Variants in ZNF407 observed in about 807,000 individuals in gnomAD.
The protein encoded by ZNF407 is zinc finger protein 407.
In ZNF407, 17 loss-of-function variants were observed where a neutral mutation model predicts 131.2. The observed-to-expected ratio is 0.13, with a 90% CI of 0.09 to 0.19. The LOEUF (loss-of-function observed/expected upper bound fraction) is 0.19. Ranked by LOEUF, ZNF407 falls within the 10% of genes least tolerant of loss-of-function variation. The pLI is 1.00. For synonymous variants in ZNF407, 1,156 were observed against 1,062.0 expected (o/e 1.09, Z -1.72); for missense variants, 2,681 against 2,830.6 (o/e 0.95, Z 1.20).
chr18:74,969,663 C>A (rs533756321), intron 8 of ZNF407, among the ~76,000 whole-genome samples: 1 of 152,278 alleles, frequency 6.6e-6, no homozygotes, highest in East Asian at 1.9e-4. Flanking sequence ...CTTCGTGTCA[C>A]CTGCAAGGGG....
intron 1 of ZNF407, among the ~76,000 whole-genome samples, chr18:74,615,358 A>C (rs1183589853): frequency 6.6e-6 from 1 of 152,188 alleles, no homozygotes; most frequent in Non-Finnish European, 1.5e-5. Flanking sequence ...TACAAAAATT[A>C]GCTGCTTGTG....
intron 1 of ZNF407, among the ~76,000 whole-genome samples, chr18:74,619,989 T>TC: frequency 6.6e-6 from 1 of 150,516 alleles, no homozygotes; most frequent in Non-Finnish European, 1.5e-5. Context: ...GAATTGCCAT[T>TC]CCTTTCCTTT....
intron 1 of ZNF407, among the ~76,000 whole-genome samples, chr18:74,606,668 G>A (rs546327702): frequency 2.6e-5 from 4 of 152,124 alleles, no homozygotes; most frequent in African/African-American, 7.2e-5. Context: ...TTATTATGTC[G>A]GCACACCTGA....
At chr18:74,627,880 T>C (rs1599022781) in intron 1 of ZNF407, among the ~76,000 whole-genome samples, 1 of 135,408 alleles carries the variant, frequency 7.4e-6, no homozygotes, top group Non-Finnish European at 1.6e-5. Flanking sequence ...CTCTTCTCTT[T>C]CCTTTCTTTT....
intron 4 of ZNF407, among the ~76,000 whole-genome samples, chr18:74,785,561 G>T (rs574898789): frequency 1.3e-5 from 2 of 152,236 alleles, no homozygotes; most frequent in Non-Finnish European, 2.9e-5. Flanking sequence ...CATTGTATGG[G>T]TCTTTTGGAG....
intron 8 of ZNF407, among the ~76,000 whole-genome samples, chr18:75,055,971 A>T (rs1973557439): frequency 6.6e-6 from 1 of 152,234 alleles, no homozygotes; most frequent in Admixed American, 6.5e-5. Context: ...ACAGAAAAGC[A>T]ATTTCCCCAT....
chr18:74,701,413 T>G (rs1334479592), intron 3 of ZNF407, among the ~76,000 whole-genome samples: 2 of 152,212 alleles, frequency 1.3e-5, no homozygotes, highest in Non-Finnish European at 2.9e-5. Flanking sequence ...TTATTTTCCT[T>G]TATGTAATAT....
At chr18:74,929,103 C>G (rs1971950310) in intron 8 of ZNF407, among the ~76,000 whole-genome samples, 1 of 152,196 alleles carries the variant, frequency 6.6e-6, no homozygotes, top group Admixed American at 6.5e-5. Flanking sequence ...TCCCGGCTCA[C>G]TCATGCTCAT....
intron 1 of ZNF407, among the ~76,000 whole-genome samples, chr18:74,607,573 C>CCATTGACGGGG (rs1389218288): frequency 6.6e-6 from 1 of 152,044 alleles, no homozygotes; most frequent in African/African-American, 2.4e-5. Context: ...CGACCACTGG[C>CCATTGACGGGG]CATTGACGGG....
At position 74,635,308 on chromosome 18, in the gene ZNF407, A is replaced by G. The variant is rs1393354295; in HGVS notation, c.4289A>G (p.Asn1430Ser). The change falls in exon 2 of 9, where the codon AAT becomes AGT. Residue 1430 changes from asparagine to serine, a missense_variant. Physicochemically the swap from Asn to Ser is conservative, Grantham distance 46. This residue lies in a region of ZNF407 where 1,789 missense variants were observed against 1,748.7 expected (regional missense o/e 1.02). Transcript: ENST00000299687. The surrounding 1 kb of genome is among the most constrained non-coding windows in gnomAD (Gnocchi z 4.7). ...TTAGCAGATGGACTGAGTGGACTGA[A>G]TGTTCACATAGCCATGAAGCATCCT... ...GFLADGLSGL[N>S]VHIAMKHPTK... 1 of 1,613,890 alleles carries G rather than the reference A, an allele frequency of 6.2e-7. No homozygotes were observed. The highest frequency in any genetic ancestry group is 1.3e-5 in the African/African-American group (1 of 74,930).
intron 4 of ZNF407, among the ~76,000 whole-genome samples, chr18:74,872,189 G>A (rs1272897387): frequency 1.4e-5 from 2 of 145,434 alleles, no homozygotes; most frequent in African/African-American, 5.2e-5. Flanking sequence ...CCCTCCACAG[G>A]CTGATCAGTG....
chr18:74,781,425 T>C lies in ZNF407; in HGVS notation c.4803-3T>C. Reference sequence around the variant, plus strand: ...TTTATAATTACTTTTGTTTATTTTTTAGGGTTGCTTTTGTAATGAAGAAGC... The same window carrying C: ...TTTATAATTACTTTTGTTTATTTTTCAGGGTTGCTTTTGTAATGAAGAAGC... On this transcript the variant is annotated splice_polypyrimidine_tract_variant and splice_region_variant and intron_variant, in intron 3 of 8. Coordinates refer to ENST00000299687, the MANE Select transcript of ZNF407 (RefSeq NM_017757.3). 2 of 1,536,484 alleles carry C rather than the reference T, an allele frequency of 1.3e-6. No homozygotes were observed. Among genetic ancestry groups the C allele is most frequent in the Non-Finnish European group, 1.8e-6 (2 of 1,140,034 alleles).
intron 4 of ZNF407, chr18:74,804,582 T>A (rs972271073): frequency 1.0e-6 from 1 of 985,256 alleles, no homozygotes; most frequent in African/African-American, 1.7e-5. Context: ...ACAATGGTAC[T>A]ATACATCTAA....
rs762204526 is a variant in ZNF407, at chr18:75,064,154, A to T, written c.6433A>T (p.Ile2145Phe). The T allele has an allele frequency of 6.2e-7, 1 of 1,604,574 alleles. No homozygotes were observed. Residue 2145 changes from isoleucine to phenylalanine, a missense_variant, in exon 9 of 9, where the codon ATC (isoleucine) becomes TTC (phenylalanine). Coordinates refer to ENST00000299687, the MANE Select transcript of ZNF407 (RefSeq NM_017757.3). ...GGAGTCCGACGGGGAGATCTCGCAG[A>T]TCATCGTGACGGAGGAGCTGGTCCA... ...LVESDGEISQ[I>F]IVTEELVQAM... is the part of the protein sequence containing the mutation.
chr18:75,031,107 C>T (rs1474555684), intron 8 of ZNF407, among the ~76,000 whole-genome samples: 2 of 152,186 alleles, frequency 1.3e-5, no homozygotes, highest in African/African-American at 4.8e-5. Flanking sequence ...ACCTGCAAGA[C>T]CTCACACTCA....
In ZNF407 at chr18:74,637,293, C is replaced by T. The variant is rs558204452; in HGVS notation, c.4687+1587C>T. 1.5e-4 allele frequency among the ~76,000 whole-genome samples: 23 copies of T among 152,302 alleles called. 1 individual carries two copies. In the South Asian group the frequency reaches 4.4e-3, roughly 29 times the overall value. ...TCGTTTACAATGCAAAATAGGTTTGCACTGGTCACTTGTGCCATTTGAAAA... is the reference window on the plus strand; with the variant it reads ...TCGTTTACAATGCAAAATAGGTTTGTACTGGTCACTTGTGCCATTTGAAAA... On this transcript the variant is annotated intron_variant, in intron 2 of 8. Transcript: ENST00000299687.
intron 3 of ZNF407, among the ~76,000 whole-genome samples, chr18:74,655,935 C>G (rs931802575): frequency 6.6e-6 from 1 of 151,942 alleles, no homozygotes; most frequent in Non-Finnish European, 1.5e-5. Flanking sequence ...ACTGCTTATT[C>G]TATTATTAAT....
In ZNF407 at chr18:74,777,775, G is replaced by C. The variant is rs533445054; in HGVS notation, c.4803-3653G>C. On this transcript the variant is annotated intron_variant, in intron 3 of 8. Transcript: ENST00000299687. ...TCATTCACTCAAAACAGAGCAGACA[G>C]GAGTGCTATTGAAATGGAAGCTGAG... Among the ~76,000 whole-genome samples, 41 of 152,038 alleles carry C rather than the reference G, an allele frequency of 2.7e-4. No homozygotes were observed. The East Asian group carries it at 7.0e-3, about 26-fold the overall frequency.
chr18:74,932,998 A>G, intron 8 of ZNF407, among the ~76,000 whole-genome samples: 1 of 152,200 alleles, frequency 6.6e-6, no homozygotes, highest in African/African-American at 2.4e-5. Context: ...TCCTCCAAGA[A>G]TGAAACGTAG....
Sources: allele counts gnomAD v4.1 joint callset (sites outside exome capture counted in the v4.1 genomes callset), GRCh38; gene constraint gnomAD v4.1.1; regional missense constraint gnomAD v4.1.1; non-coding constraint Gnocchi (gnomAD v3.1); transcripts MANE v1.5; gene names NCBI Gene and HGNC (gene_info 2026-07-23, HGNC 2026-07-21).